Variants in PPP4R2 observed in about 807,000 individuals in gnomAD.
PPP4R2 encodes serine/threonine-protein phosphatase 4 regulatory subunit 2.
PPP4R2 carries 13 observed loss-of-function variants against 47.2 expected under a neutral mutation model. That is an observed-to-expected ratio of 0.28 (90% CI 0.18 to 0.44). PPP4R2 has a LOEUF of 0.44. Among genes scored for constraint, PPP4R2 ranks in the 20% least tolerant of loss-of-function variants. The pLI is 1.00. For missense variants in PPP4R2, 421 were observed against 491.2 expected (o/e 0.86, Z 1.35); for synonymous variants, 151 against 163.3 (o/e 0.92, Z 0.57).
chr3:73,038,411 T>C (rs1022920224), intron 2 of PPP4R2, among the ~76,000 whole-genome samples: 11 of 151,992 alleles, frequency 7.2e-5, no homozygotes, highest in African/African-American at 2.4e-4. Flanking sequence ...AGTCTCACTC[T>C]GTCACCCAGT....
chr3:73,012,173 A>C (rs1203271537), intron 2 of PPP4R2, among the ~76,000 whole-genome samples: 1 of 152,218 alleles, frequency 6.6e-6, no homozygotes, highest in African/African-American at 2.4e-5. Context: ...TCCTTGGTGC[A>C]TCTCTAGATT....
intron 3 of PPP4R2, 93 bp downstream of exon 3, chr3:73,047,449 T>G (rs960610672): frequency 1.4e-6 from 1 of 740,006 alleles, no homozygotes; most frequent in Non-Finnish European, 2.1e-6. Flanking sequence ...GATGATTGAT[T>G]ATCCATTAGA....
rs1247335873 is a variant in PPP4R2 at position 73,066,475 on chromosome 3, A to G, written c.*753A>G. 6.6e-6 allele frequency: 1 copy of G among 151,926 alleles called. No individual in the cohort carries two copies. Among genetic ancestry groups the G allele is most frequent in the African/African-American group, 2.4e-5 (1 of 41,402 alleles). 9.4% of individuals were successfully genotyped at this position (151,926 alleles called of 1,614,324 possible). A position where few individuals can be genotyped will look rare whatever the true frequency, so the allele number is the denominator to read the frequency against. On this transcript the variant is annotated 3_prime_UTR_variant, in exon 9 of 9. Transcript: ENST00000356692. ...AACACATTCCAAGAGATCTGTTCAA[A>G]CTCAAATTCTTTTGTATACTTCTGA...
At chr3:73,047,163 A>G (rs753697345) in intron 2 of PPP4R2, 23 bp from the exon 3 acceptor site, 3 of 1,384,402 alleles carry the variant, frequency 2.2e-6, no homozygotes, top group East Asian at 2.5e-5. Context: ...GGTATTATAT[A>G]TTTTTTAATT....
Position 73,060,791 on chromosome 3 carries a change from A to G in PPP4R2, c.382-232A>G, listed in dbSNP as rs940668869. The stretch of plus-strand genomic sequence containing the variant: ...GAATAACTAGATTAGGGTAAAAAAT[A>G]AGTATAGGAAAAAAAAAATTAGTGG... On this transcript the variant is annotated intron_variant, in intron 4 of 8. Transcript: ENST00000356692. Among the ~76,000 whole-genome samples, 36 of 152,212 alleles carry G rather than the reference A, an allele frequency of 2.4e-4. 1 individual carries two copies. Among genetic ancestry groups the G allele is most frequent in the African/African-American group, 8.4e-4 (35 of 41,506 alleles).
At chr3:73,016,129 A>G (rs1031687577) in intron 2 of PPP4R2, 5 of 152,330 alleles carry the variant, frequency 3.3e-5, no homozygotes, top group Non-Finnish European at 7.3e-5. Context: ...AAAACATTTA[A>G]TTTGACCAAT....
intron 2 of PPP4R2, among the ~76,000 whole-genome samples, chr3:73,025,383 T>C (rs758315478): frequency 6.6e-6 from 1 of 152,224 alleles, no homozygotes; most frequent in Non-Finnish European, 1.5e-5. Context: ...GAGACGTTTA[T>C]TGTTCTTACT....
chr3:73,058,678 C>G (rs1430703230), intron 3 of PPP4R2, among the ~76,000 whole-genome samples: 1 of 151,998 alleles, frequency 6.6e-6, no homozygotes, highest in African/African-American at 2.4e-5. Context: ...TACACTTATA[C>G]TCTTAGTTAT....
intron 2 of PPP4R2, among the ~76,000 whole-genome samples, chr3:73,016,380 G>T (rs1278687990): frequency 2.6e-5 from 4 of 152,116 alleles, no homozygotes; most frequent in Non-Finnish European, 5.9e-5. Context: ...ATCTAGTGGG[G>T]TAGAGGGCAG....
chr3:73,068,437 C>T lies in PPP4R2; in HGVS notation c.*2715C>T, dbSNP rs1330808493. The T allele has an allele frequency of 6.6e-6, 1 of 152,058 alleles. No homozygotes were observed. Among genetic ancestry groups the T allele is most frequent in the African/African-American group, 2.4e-5 (1 of 41,414 alleles). The allele number at this position is 152,058 out of a possible 1,614,324, so 9.4% of individuals were successfully genotyped here. A position where few individuals can be genotyped will look rare whatever the true frequency, so the allele number is the denominator to read the frequency against. On this transcript the variant is annotated 3_prime_UTR_variant, in exon 9 of 9. Coordinates refer to ENST00000356692, the MANE Select transcript of PPP4R2 (RefSeq NM_174907.4). ...TTTAAAAAGTGAAAATATCCTTGTACATTTTTGAAAAATATATTTTCAGTT... is the reference window on the plus strand; with the variant it reads ...TTTAAAAAGTGAAAATATCCTTGTATATTTTTGAAAAATATATTTTCAGTT...
At chr3:73,035,084 G>A (rs1702237924) in intron 2 of PPP4R2, among the ~76,000 whole-genome samples, 1 of 152,004 alleles carries the variant, frequency 6.6e-6, no homozygotes. Flanking sequence ...CAACTCAAAA[G>A]CAAAAACACC....
chr3:73,004,476 GAC>G (rs1701552386), intron 2 of PPP4R2, among the ~76,000 whole-genome samples: 1 of 152,144 alleles, frequency 6.6e-6, no homozygotes, highest in Non-Finnish European at 1.5e-5. Flanking sequence ...TTATTTTTGA[GAC>G]AGAGTCTTGC....
In PPP4R2 at chr3:72,997,016, C is replaced by T; in HGVS notation, c.-22C>T. Reference sequence around the variant, plus strand: ...AGAGACCCGCGGAGGGAGGCGGAGGCTGTGAGGGACTCCGGGAAGCCATGG... The same window carrying T: ...AGAGACCCGCGGAGGGAGGCGGAGGTTGTGAGGGACTCCGGGAAGCCATGG... On this transcript the variant is annotated 5_prime_UTR_variant, in exon 1 of 9. Transcript: ENST00000356692. 3 of 1,386,306 alleles carry T rather than the reference C, an allele frequency of 2.2e-6. No homozygotes were observed. The highest frequency in any genetic ancestry group is 2.7e-5 in the Admixed American group (1 of 36,960). 85.9% of individuals were successfully genotyped at this position (1,386,306 alleles called of 1,614,324 possible). A position where few individuals can be genotyped will look rare whatever the true frequency, so the allele number is the denominator to read the frequency against.
chr3:73,031,764 C>A lies in PPP4R2; in HGVS notation c.117-15422C>A, dbSNP rs534496208. Among the ~76,000 whole-genome samples, 4 of 152,198 alleles carry A rather than the reference C, an allele frequency of 2.6e-5. No homozygotes were observed. In the South Asian group the frequency reaches 8.3e-4, roughly 32 times the overall value. On this transcript the variant is annotated intron_variant, in intron 2 of 8. Coordinates refer to ENST00000356692, the MANE Select transcript of PPP4R2 (RefSeq NM_174907.4). Reference sequence around the variant, plus strand: ...AGGTCTTTCTCACTGTTGCAGTCTTCCTTACTTAATGCCATCTCAGAACAC... The same window carrying A: ...AGGTCTTTCTCACTGTTGCAGTCTTACTTACTTAATGCCATCTCAGAACAC...
chr3:73,019,351 A>T (rs1701913545), intron 2 of PPP4R2, among the ~76,000 whole-genome samples: 1 of 152,178 alleles, frequency 6.6e-6, no homozygotes, highest in Non-Finnish European at 1.5e-5. Context: ...CACTGTCTTC[A>T]TCTACAAAGG....
intron 3 of PPP4R2, among the ~76,000 whole-genome samples, chr3:73,052,343 A>G (rs1446735625): frequency 1.3e-5 from 2 of 151,038 alleles, no homozygotes; most frequent in African/African-American, 4.9e-5. Context: ...AAGTGAAGTT[A>G]CAGTTTGTCA....
intron 2 of PPP4R2, among the ~76,000 whole-genome samples, chr3:73,001,585 T>C (rs941516857): frequency 6.6e-6 from 1 of 152,130 alleles, no homozygotes; most frequent in Non-Finnish European, 1.5e-5. Context: ...AACACACACA[T>C]GCACACTTGC....
At chr3:73,060,294 C>G (rs1702826019) in intron 4 of PPP4R2, among the ~76,000 whole-genome samples, 1 of 152,210 alleles carries the variant, frequency 6.6e-6, no homozygotes, top group African/African-American at 2.4e-5. Flanking sequence ...CTCATCAGTA[C>G]TTACTTTTCA....
intron 5 of PPP4R2, 137 bp from the exon 6 acceptor site, chr3:73,063,536 A>G (rs190192332): frequency 1.7e-6 from 1 of 590,320 alleles, no homozygotes; most frequent in Admixed American, 3.0e-5. Flanking sequence ...AGGCATAAGA[A>G]TTGCTTGAAC....
Sources: gnomAD v4.1 joint callset for allele counts (sites outside exome capture counted in the v4.1 genomes callset) on GRCh38, gnomAD v4.1.1 for gene constraint, MANE v1.5 for transcripts, NCBI Gene and HGNC (gene_info 2026-07-23, HGNC 2026-07-21) for gene names.